Variants in CAMK1D observed in about 807,000 individuals in gnomAD.
The protein encoded by CAMK1D is calcium/calmodulin dependent protein kinase ID.
Under a neutral mutation model 47.7 loss-of-function variants are expected in CAMK1D, and 9 were observed. That is an observed-to-expected ratio of 0.19 (90% CI 0.11 to 0.33). CAMK1D has a LOEUF of 0.33. Ranked by LOEUF, CAMK1D falls within the 10% of genes least tolerant of loss-of-function variation. The pLI, the probability that CAMK1D is intolerant of heterozygous loss-of-function variation, is 1.00. For synonymous variants in CAMK1D, 184 were observed against 184.9 expected (o/e 0.99, Z 0.04); for missense variants, 291 against 488.7 (o/e 0.60, Z 3.81).
intron 3 of CAMK1D, among the ~76,000 whole-genome samples, chr10:12,712,827 G>A (rs557166237): frequency 2.6e-5 from 4 of 152,112 alleles, no homozygotes; most frequent in African/African-American, 4.8e-5. Flanking sequence ...TATCTCCCCC[G>A]CCTACACACA....
chr10:12,560,006 A>C (rs1239443209), intron 2 of CAMK1D, among the ~76,000 whole-genome samples: 1 of 152,058 alleles, frequency 6.6e-6, no homozygotes, highest in Non-Finnish European at 1.5e-5. Flanking sequence ...TCCTCCAGTT[A>C]CCTTAAGGCA....
intron 1 of CAMK1D, among the ~76,000 whole-genome samples, chr10:12,519,098 C>T (rs1253644607): frequency 6.2e-5 from 6 of 97,156 alleles, no homozygotes; most frequent in African/African-American, 1.6e-4. Flanking sequence ...CTGGATAGGG[C>T]GGCTGGCCGG....
chr10:12,735,459 CAG>C (rs1835143457), intron 3 of CAMK1D, among the ~76,000 whole-genome samples: 1 of 152,020 alleles, frequency 6.6e-6, no homozygotes, highest in African/African-American at 2.4e-5. Flanking sequence ...GCCTGGGCGA[CAG>C]AGCGAGACTC....
intron 3 of CAMK1D, among the ~76,000 whole-genome samples, chr10:12,679,866 AAG>A (rs1840934101): frequency 2.0e-5 from 3 of 152,050 alleles, no homozygotes; most frequent in Non-Finnish European, 2.9e-5. Context: ...TCCTCTCCTC[AAG>A]GGTGTCTGCT....
chr10:12,419,640 GCACACACACACA>G (rs111807347), intron 1 of CAMK1D, among the ~76,000 whole-genome samples: 23 of 147,190 alleles, frequency 1.6e-4, no homozygotes, highest in African/African-American at 3.3e-4. Flanking sequence ...AAGAGAAAAT[GCACACACACACA>G]CACACACACA....
At chr10:12,744,893 C>T (rs1043601042) in intron 3 of CAMK1D, among the ~76,000 whole-genome samples, 3 of 152,134 alleles carry the variant, frequency 2.0e-5, no homozygotes, top group African/African-American at 7.2e-5. Flanking sequence ...ACAGCAAGAC[C>T]CTGTCTCTAA....
chr10:12,379,111 A>G (rs1838271465), intron 1 of CAMK1D, among the ~76,000 whole-genome samples: 1 of 152,108 alleles, frequency 6.6e-6, no homozygotes, highest in African/African-American at 2.4e-5. Flanking sequence ...CACCTGACCA[A>G]GCATGCATTT....
chr10:12,420,517 T>G (rs1179958377), intron 1 of CAMK1D, among the ~76,000 whole-genome samples: 1 of 152,212 alleles, frequency 6.6e-6, no homozygotes, highest in Non-Finnish European at 1.5e-5. Flanking sequence ...TAACCCTTAT[T>G]GATTTGTTTG....
At chr10:12,741,119 C>T (rs1835406177) in intron 3 of CAMK1D, among the ~76,000 whole-genome samples, 1 of 152,220 alleles carries the variant, frequency 6.6e-6, no homozygotes, top group African/African-American at 2.4e-5. Flanking sequence ...TTATCATCCT[C>T]CTGCCTCCAG....
rs11815546 is a variant in CAMK1D at position 12,613,624 on chromosome 10, G to A, written c.225-53112G>A. Among the ~76,000 whole-genome samples, 62 of 152,240 alleles carry A rather than the reference G, an allele frequency of 4.1e-4. No individual in the cohort carries two copies. In the South Asian group the frequency reaches 0.011, roughly 27 times the overall value. On this transcript the variant is annotated intron_variant, in intron 2 of 10. Coordinates refer to ENST00000619168, the MANE Select transcript of CAMK1D (RefSeq NM_153498.4). ...CTTCTGAGTAGCTGGGATTACAGGC[G>A]TCTGACACCATGCCTGGCTCATTTT...
At position 12,830,621 on chromosome 10, in the gene CAMK1D, A is replaced by C. The variant is rs1488963497; in HGVS notation, c.*1734A>C. 1.3e-5 allele frequency: 2 copies of C among 152,190 alleles called. No homozygotes were observed. The highest frequency in any genetic ancestry group is 4.8e-5 in the African/African-American group (2 of 41,428). The allele number at this position is 152,190 out of a possible 1,614,324, so 9.4% of individuals were successfully genotyped here. On this transcript the variant is annotated 3_prime_UTR_variant, in exon 11 of 11. Coordinates refer to ENST00000619168, the MANE Select transcript of CAMK1D (RefSeq NM_153498.4). ...GAGCCAGGCAGTGTGTGGCCCAGGGAAAGCTGCGTTTCATGGAGGCTTCCA... is the reference window on the plus strand; with the variant it reads ...GAGCCAGGCAGTGTGTGGCCCAGGGCAAGCTGCGTTTCATGGAGGCTTCCA...
intron 2 of CAMK1D, among the ~76,000 whole-genome samples, chr10:12,619,060 A>G (rs754304936): frequency 3.3e-5 from 5 of 152,224 alleles, no homozygotes; most frequent in East Asian, 1.9e-4. Context: ...TAAAGAAGCC[A>G]TTGAATCTTT....
intron 1 of CAMK1D, among the ~76,000 whole-genome samples, chr10:12,420,250 G>A (rs1355847162): frequency 6.6e-6 from 1 of 152,200 alleles, no homozygotes; most frequent in Admixed American, 6.5e-5. Flanking sequence ...GAGCCACCAC[G>A]CCTGGCCCAT....
chr10:12,540,122 G>T (rs1836119700), intron 1 of CAMK1D, among the ~76,000 whole-genome samples: 1 of 151,062 alleles, frequency 6.6e-6, no homozygotes, highest in Non-Finnish European at 1.5e-5. Context: ...AGAGTTGGGG[G>T]TCTTGCTCTG....
At chr10:12,475,690 C>T (rs562854344) in intron 1 of CAMK1D, among the ~76,000 whole-genome samples, 3 of 152,232 alleles carry the variant, frequency 2.0e-5, no homozygotes, top group South Asian at 2.1e-4. Flanking sequence ...AGGATTAGTT[C>T]GTTGATGGAC....
chr10:12,606,065 G>A (rs971218122), intron 2 of CAMK1D, among the ~76,000 whole-genome samples: 1 of 152,240 alleles, frequency 6.6e-6, no homozygotes, highest in African/African-American at 2.4e-5. Context: ...AGGCAAAACT[G>A]CAAGCCCCTT....
At chr10:12,723,988 C>G (rs1322165753) in intron 3 of CAMK1D, among the ~76,000 whole-genome samples, 1 of 152,170 alleles carries the variant, frequency 6.6e-6, no homozygotes, top group African/African-American at 2.4e-5. Flanking sequence ...CAATTCCCAC[C>G]TATGAGTGAG....
intron 2 of CAMK1D, among the ~76,000 whole-genome samples, chr10:12,624,503 G>A (rs181490133): frequency 1.2e-4 from 18 of 152,254 alleles, no homozygotes; most frequent in Middle Eastern, 3.4e-3. Context: ...TGCAGTATTT[G>A]TCCTTTTGTG....
intron 2 of CAMK1D, among the ~76,000 whole-genome samples, chr10:12,647,320 T>C (rs1425472634): frequency 6.6e-6 from 1 of 151,702 alleles, no homozygotes; most frequent in Non-Finnish European, 1.5e-5. Flanking sequence ...GGCTAATTTT[T>C]GTATTTTTAG....
Sources: allele counts gnomAD v4.1 joint callset (sites outside exome capture counted in the v4.1 genomes callset), GRCh38; gene constraint gnomAD v4.1.1; transcripts MANE v1.5; gene names NCBI Gene and HGNC (gene_info 2026-07-23, HGNC 2026-07-21).